Variants in IL17RC observed in about 807,000 individuals in gnomAD.
IL17RC encodes the protein interleukin-17 receptor C.
IL17RC carries 53 observed loss-of-function variants against 86.7 expected under a neutral mutation model. That is an observed-to-expected ratio of 0.61 (90% CI 0.49 to 0.77). IL17RC has a LOEUF of 0.77. IL17RC is among the 30% of genes least tolerant of loss of function. The pLI, the probability that IL17RC is intolerant of heterozygous loss-of-function variation, is 0.00. For missense variants in IL17RC, 957 were observed against 940.0 expected, an observed-to-expected ratio of 1.02 and a Z score of -0.24; for synonymous variants, 439 against 413.1, an observed-to-expected ratio of 1.06 and a Z score of -0.76.
rs2083555655 is a variant in IL17RC at position 9,921,585 on chromosome 3, AACAT to A, written c.622+626_622+629del. ...TTGTATTTTCTTTTTTATTGTGTAT[AACAT>A]ACATACATAAAAGTATGTAAAGGGT... On this transcript the variant is annotated intron_variant, in intron 7 of 18. Transcript: ENST00000403601. Among the ~76,000 whole-genome samples the A allele has an allele frequency of 2.6e-5, 4 of 152,260 alleles. No homozygotes were observed. In the South Asian group the frequency reaches 8.3e-4, roughly 32 times the overall value.
chr3:9,925,815 A>G (rs1216294567), intron 9 of IL17RC, among the ~76,000 whole-genome samples: 4 of 149,800 alleles, frequency 2.7e-5, no homozygotes, highest in African/African-American at 9.8e-5. Context: ...TTGCACTTCT[A>G]TCTTTCCTTG....
In IL17RC at chr3:9,929,765, G is replaced by A. The variant is rs370079144; in HGVS notation, c.1111-87G>A. 10 of 1,431,182 alleles carry A rather than the reference G, an allele frequency of 7.0e-6. No homozygotes were observed. In the African/African-American group the frequency reaches 1.4e-4, roughly 20 times the overall value. The allele number at this position is 1,431,182 out of a possible 1,614,324, so 88.7% of individuals were successfully genotyped here. ...TTGAGTGCAGATTCCCAACCCAACA[G>A]GCCTTCTGTTGCCTGCCCCATTCTG... On this transcript the variant is annotated intron_variant, in intron 12 of 18. Coordinates refer to ENST00000403601, the MANE Select transcript of IL17RC (RefSeq NM_153460.4).
chr3:9,930,203 G>T lies in IL17RC; in HGVS notation c.1278+54G>T, dbSNP rs1350146396. 30 of 1,604,748 alleles carry T rather than the reference G, an allele frequency of 1.9e-5. No individual in the cohort carries two copies. The highest frequency in any genetic ancestry group is 2.4e-5 in the Non-Finnish European group (28 of 1,173,568). On this transcript the variant is annotated intron_variant, in intron 14 of 18. Transcript: ENST00000403601. The surrounding 1 kb of genome is among the most constrained non-coding windows in gnomAD (Gnocchi z 5.8). ...ATCTCTCCAAATGCATCTCACATCT[G>T]GCCTCAAATTTTCACTCCATCCACC... is the stretch of plus-strand genomic sequence containing the variant.
rs529858962 is a variant in IL17RC at position 9,920,659 on chromosome 3, C to G, written c.577+57C>G. 1.7e-5 allele frequency: 20 copies of G among 1,177,928 alleles called. No individual in the cohort carries two copies. The African/African-American group carries it at 2.4e-4, about 14-fold the overall frequency. 73.0% of individuals were successfully genotyped at this position (1,177,928 alleles called of 1,614,324 possible). On this transcript the variant is annotated intron_variant, in intron 6 of 18. Transcript: ENST00000403601. Reference sequence around the variant, plus strand: ...CCTCTGTCCCCTCTGGCCATTCCCCCTCCTGATTTCACCCTCTTCTAGCTC... The same window carrying G: ...CCTCTGTCCCCTCTGGCCATTCCCCGTCCTGATTTCACCCTCTTCTAGCTC...
chr3:9,932,365 TACAGGCGTGTGCCACCAC>T (rs2084810025), intron 16 of IL17RC, among the ~76,000 whole-genome samples: 1 of 152,128 alleles, frequency 6.6e-6, no homozygotes, highest in African/African-American at 2.4e-5. Context: ...TAGCTGGGAT[TACAGGCGTGTGCCACCAC>T]GCCCGGCTAA....
At chr3:9,921,824 ACCGTGTTAG>A (rs1329196881) in intron 7 of IL17RC, among the ~76,000 whole-genome samples, 1 of 147,254 alleles carries the variant, frequency 6.8e-6, no homozygotes, top group Non-Finnish European at 1.5e-5. Context: ...ACAGGGTTTC[ACCGTGTTAG>A]CCAGGATGGT....
intron 16 of IL17RC, among the ~76,000 whole-genome samples, chr3:9,931,470 C>CACACACACACACACACATATAT (rs750351615): frequency 2.7e-4 from 12 of 43,736 alleles, no homozygotes; most frequent in Non-Finnish European, 3.2e-4. Flanking sequence ...CACACACACA[C>CACACACACACACACACATATAT]ATATATATAT....
intron 9 of IL17RC, among the ~76,000 whole-genome samples, chr3:9,926,606 G>T (rs569420595): frequency 1.3e-5 from 2 of 150,956 alleles, no homozygotes; most frequent in East Asian, 1.9e-4. Context: ...TTGTTTTTTT[G>T]TGTTTTTGTT....
chr3:9,918,726 G>T, intron 5 of IL17RC, 117 bp downstream of exon 5: 1 of 699,318 alleles, frequency 1.4e-6, no homozygotes, highest in Non-Finnish European at 2.5e-6. Context: ...TCAGTACCAG[G>T]CATTACAGCC....
chr3:9,928,505 A>G lies in IL17RC; in HGVS notation c.1059+19A>G, dbSNP rs1311661543. The G allele has an allele frequency of 3.7e-6, 6 of 1,612,782 alleles. No homozygotes were observed. Among genetic ancestry groups the G allele is most frequent in the Non-Finnish European group, 5.1e-6 (6 of 1,179,668 alleles). On this transcript the variant is annotated intron_variant, in intron 11 of 18. Coordinates refer to ENST00000403601, the MANE Select transcript of IL17RC (RefSeq NM_153460.4). ...TGTGGACGTAAGTGAAGCAGAGGGC[A>G]CCTCCCGTGGTGAGGGGAGAGTGGG... is the stretch of plus-strand genomic sequence containing the variant.
chr3:9,929,569 A>AG, intron 12 of IL17RC: 1 of 467,962 alleles, frequency 2.1e-6, no homozygotes, highest in Non-Finnish European at 3.9e-6. Flanking sequence ...CATGTGAGAA[A>AG]GGAATCTCTT....
intron 5 of IL17RC, 74 bp from the exon 6 acceptor site, chr3:9,920,417 G>A: frequency 1.2e-6 from 1 of 854,894 alleles, no homozygotes; most frequent in Non-Finnish European, 2.0e-6. Context: ...AGTGGTCCCT[G>A]CAGATGATCC....
In IL17RC at chr3:9,928,311, G is replaced by A. The variant is rs760136653; in HGVS notation, c.884G>A (p.Arg295His). 27 of 1,607,308 alleles carry A rather than the reference G, an allele frequency of 1.7e-5. No individual in the cohort carries two copies. Among genetic ancestry groups the A allele is most frequent in the Admixed American group, 3.4e-5 (2 of 59,640 alleles). The part of the protein sequence containing the change: ...TNICPFREDP[R>H]AHQNLWQAAR... ...CTGTGCCCTTTCCTTGCAGACCCCC[G>A]CGCACACCAGAACCTCTGGCAAGCC... Residue 295 changes from arginine to histidine, a missense_variant, in exon 11 of 19, where the codon CGC (arginine) becomes CAC (histidine). Arg to His is a conservative substitution (Grantham distance 29). Coordinates refer to ENST00000403601, the MANE Select transcript of IL17RC (RefSeq NM_153460.4).
At position 9,923,976 on chromosome 3, in the gene IL17RC, A is replaced by T; in HGVS notation, c.718A>T (p.Asn240Tyr). Residue 240 changes from asparagine to tyrosine, a missense_variant, in exon 8 of 19, where the codon AAT becomes TAT. Transcript: ENST00000403601. ...EQHFGLSLYWNQVQGPPKPRW... is the reference protein window; with the variant it reads ...EQHFGLSLYWYQVQGPPKPRW... ...GCACTTCGGCCTCTCCCTGTACTGG[A>T]ATCAGGTCCAGGGCCCCCCAAAACC... The T allele has an allele frequency of 6.2e-7, 1 of 1,614,120 alleles. No individual in the cohort carries two copies.
chr3:9,930,449 A>G lies in IL17RC; in HGVS notation c.1328A>G (p.Gln443Arg), dbSNP rs770482188. The G allele has an allele frequency of 1.9e-6, 3 of 1,613,884 alleles. No individual in the cohort carries two copies. Among genetic ancestry groups the G allele is most frequent in the Admixed American group, 1.7e-5 (1 of 59,992 alleles). ...TTACTACAAGACCTGCAGTCAGGCC[A>G]GTGTCTGCAGGTGAGCTGGTGGAAG... is the stretch of plus-strand genomic sequence containing the variant. The part of the protein sequence containing the change: ...EYLLQDLQSG[Q>R]CLQLWDDDLG... The change falls in exon 15 of 19, where the codon CAG (glutamine) becomes CGG (arginine). Residue 443 changes from glutamine (Q) to arginine (R), a missense_variant. Gln to Arg is a conservative substitution (Grantham distance 43). Transcript: ENST00000403601. The surrounding 1 kb of genome is among the most constrained non-coding windows in gnomAD (Gnocchi z 5.8).
At chr3:9,928,952 C>G (rs545090218) in intron 12 of IL17RC, 25 of 345,960 alleles carry the variant, frequency 7.2e-5, no homozygotes, top group Non-Finnish European at 1.2e-4. Flanking sequence ...TTTATTATTG[C>G]TATCCTTATT....
Position 9,930,605 on chromosome 3 carries a change from A to T in IL17RC, c.1338+146A>T. The T allele has an allele frequency of 1.2e-6, 1 of 818,586 alleles. No individual in the cohort carries two copies. The highest frequency in any genetic ancestry group is 1.7e-5 in the African/African-American group (1 of 58,644). 50.7% of individuals were successfully genotyped at this position (818,586 alleles called of 1,614,324 possible). A position where few individuals can be genotyped will look rare whatever the true frequency, so the allele number is the denominator to read the frequency against. On this transcript the variant is annotated intron_variant, in intron 15 of 18. Coordinates refer to ENST00000403601, the MANE Select transcript of IL17RC (RefSeq NM_153460.4). This position sits in a 1 kb window ranked among gnomAD's most constrained non-coding sequence, Gnocchi z 5.8. ...AGAAGCACAGTTCCTATCCCCAAGG[A>T]GCACACTGTTGGCTAGACACCCATA...
intron 1 of IL17RC, 113 bp from the exon 2 acceptor site, chr3:9,917,600 G>A (rs1295073310): frequency 1.2e-6 from 2 of 1,614,124 alleles, no homozygotes; most frequent in Non-Finnish European, 1.7e-6. Context: ...GTCTTTCTCT[G>A]GGAGGGTCTG....
At position 9,930,831 on chromosome 3, in the gene IL17RC, G is replaced by A. The variant is rs2084584012; in HGVS notation, c.1339-64G>A. 4 of 1,428,284 alleles carry A rather than the reference G, an allele frequency of 2.8e-6. No homozygotes were observed. Among genetic ancestry groups the A allele is most frequent in the Non-Finnish European group, 4.0e-6 (4 of 1,010,794 alleles). The allele number at this position is 1,428,284 out of a possible 1,614,324, so 88.5% of individuals were successfully genotyped here. On this transcript the variant is annotated intron_variant, in intron 15 of 18. Coordinates refer to ENST00000403601, the MANE Select transcript of IL17RC (RefSeq NM_153460.4). The surrounding 1 kb of genome is among the most constrained non-coding windows in gnomAD (Gnocchi z 5.8). ...TGGGAATTTGGAGATCAGGCCACCAGAGCTTGGTGAATATTGGAACACCTG... is the reference window on the plus strand; with the variant it reads ...TGGGAATTTGGAGATCAGGCCACCAAAGCTTGGTGAATATTGGAACACCTG...
Sources: gnomAD v4.1 joint callset for allele counts (sites outside exome capture counted in the v4.1 genomes callset) on GRCh38, gnomAD v4.1.1 for gene constraint, Gnocchi (gnomAD v3.1) non-coding constraint, MANE v1.5 for transcripts, NCBI Gene and HGNC (gene_info 2026-07-23, HGNC 2026-07-21) for gene names.